STT3B: variants seen among roughly 807,000 people sequenced by gnomAD.
The protein encoded by STT3B is dolichyl-diphosphooligosaccharide--protein glycosyltransferase subunit STT3B.
Under a neutral mutation model 96.8 loss-of-function variants are expected in STT3B, and 29 were observed. The ratio of observed to expected loss-of-function variants is 0.30; its 90% confidence interval spans 0.22 to 0.41. The LOEUF is 0.41. Ranked by LOEUF, STT3B falls within the 10% of genes least tolerant of loss-of-function variation. The pLI is 1.00. For missense variants in STT3B, 640 were observed against 1,022.3 expected (o/e 0.63, Z 5.10); for synonymous variants, 367 against 360.0 (o/e 1.02, Z -0.22).
At chr3:31,597,882 C>T (rs1310516284) in intron 4 of STT3B, among the ~76,000 whole-genome samples, 3 of 149,242 alleles carry the variant, frequency 2.0e-5, no homozygotes, top group Non-Finnish European at 3.0e-5. Flanking sequence ...GTTGCCTAGG[C>T]TGGAGTGCAG....
intron 5 of STT3B, among the ~76,000 whole-genome samples, chr3:31,602,660 A>ATTT (rs11316900): frequency 9.0e-4 from 112 of 125,092 alleles, no homozygotes; most frequent in Middle Eastern, 3.8e-3. Flanking sequence ...GGTAGCTGGG[A>ATTT]TTTTTTTTTT....
At position 31,579,875 on chromosome 3, in the gene STT3B, G is replaced by T; in HGVS notation, c.490G>T (p.Val164Phe). ...GATTTTAAATACATTGAACATAACT[G>T]TTCACATAAGAGACGTATGTGTGTT... ...HWILNTLNIT[V>F]HIRDVCVFLA... Residue 164 changes from valine to phenylalanine, a missense_variant, in exon 3 of 16, where the codon GTT becomes TTT. Physicochemically the swap from Val to Phe is conservative, Grantham distance 50. Transcript: ENST00000295770. The T allele has an allele frequency of 6.2e-7, 1 of 1,613,686 alleles. No individual in the cohort carries two copies. Among genetic ancestry groups the T allele is most frequent in the African/African-American group, 1.3e-5 (1 of 75,012 alleles).
At chr3:31,599,814 A>G (rs1261441422) in intron 4 of STT3B, among the ~76,000 whole-genome samples, 1 of 152,146 alleles carries the variant, frequency 6.6e-6, no homozygotes, top group Non-Finnish European at 1.5e-5. Context: ...TTAAAATGGG[A>G]TCTTGCTTTG....
At chr3:31,564,262 A>G (rs952248466) in intron 1 of STT3B, among the ~76,000 whole-genome samples, 1 of 152,216 alleles carries the variant, frequency 6.6e-6, no homozygotes, top group Non-Finnish European at 1.5e-5. Context: ...ATGCTTTAAA[A>G]TTGGGTCATA....
chr3:31,583,204 G>A lies in STT3B; in HGVS notation c.711+3108G>A, dbSNP rs191141346. Among the ~76,000 whole-genome samples the A allele has an allele frequency of 8.6e-5, 13 of 152,042 alleles. No homozygotes were observed. The East Asian group carries it at 2.3e-3, about 27-fold the overall frequency. On this transcript the variant is annotated intron_variant, in intron 3 of 15. Transcript: ENST00000295770. Reference sequence around the variant, plus strand: ...AGTGTTTTCTTCCTATATTTTGATGGTCTGTTATCAGGTACATAAATGTTT... The same window carrying A: ...AGTGTTTTCTTCCTATATTTTGATGATCTGTTATCAGGTACATAAATGTTT...
chr3:31,568,358 T>G (rs1342218504), intron 1 of STT3B, among the ~76,000 whole-genome samples: 1 of 152,216 alleles, frequency 6.6e-6, no homozygotes, highest in Non-Finnish European at 1.5e-5. Context: ...ACTGATTTTC[T>G]TTCTTTGGAT....
chr3:31,559,599 C>T (rs1174634960), intron 1 of STT3B, among the ~76,000 whole-genome samples: 2 of 151,776 alleles, frequency 1.3e-5, no homozygotes, highest in Admixed American at 6.6e-5. Flanking sequence ...TTCGTTAAGA[C>T]TTGTTTTGTG....
intron 15 of STT3B, among the ~76,000 whole-genome samples, chr3:31,633,358 G>C (rs1251828822): frequency 1.3e-5 from 2 of 152,120 alleles, no homozygotes; most frequent in Admixed American, 6.5e-5. Context: ...TTTTTCCAGA[G>C]GCCTTCTGGC....
rs559200352 is a variant in STT3B, at chr3:31,544,240, T to G, written c.314+10928T>G. Among the ~76,000 whole-genome samples, 5 of 152,336 alleles carry G rather than the reference T, an allele frequency of 3.3e-5. No individual in the cohort carries two copies. In the East Asian group the frequency reaches 9.7e-4, roughly 29 times the overall value. On this transcript the variant is annotated intron_variant, in intron 1 of 15. Coordinates refer to ENST00000295770, the MANE Select transcript of STT3B (RefSeq NM_178862.3). ...CAACACTTTAGGAAACCATCACAGC[T>G]CTGACTGATCTCATTTAAACTTTCC... is the stretch of plus-strand genomic sequence containing the variant.
At chr3:31,628,623 G>GTCT (rs1267499162) in intron 13 of STT3B, among the ~76,000 whole-genome samples, 1 of 152,060 alleles carries the variant, frequency 6.6e-6, no homozygotes, top group East Asian at 1.9e-4. Flanking sequence ...TAATTTATAA[G>GTCT]TTAACCCCAT....
chr3:31,551,696 AT>A (rs1395095501), intron 1 of STT3B, among the ~76,000 whole-genome samples: 2 of 152,210 alleles, frequency 1.3e-5, no homozygotes, highest in Middle Eastern at 3.2e-3. Flanking sequence ...AGAAAGGGTT[AT>A]TTTCAAGAGA....
At position 31,533,310 on chromosome 3, in the gene STT3B, G is replaced by A; in HGVS notation, c.312G>A (p.Pro104=). The A allele has an allele frequency of 1.3e-6, 2 of 1,527,514 alleles. No individual in the cohort carries two copies. The highest frequency in any genetic ancestry group is 1.8e-6 in the Non-Finnish European group (2 of 1,137,118). 94.6% of individuals were successfully genotyped at this position (1,527,514 alleles called of 1,614,324 possible). A position where few individuals can be genotyped will look rare whatever the true frequency, so the allele number is the denominator to read the frequency against. ...RFESIIHEFD[P]WFNYRSTHHL... is the part of the protein sequence containing the mutation. Reference sequence around the variant, plus strand: ...AAAGCATCATCCACGAGTTCGACCCGTGGTAAGTGCCTCGCCGCCCCTCCC... The same window carrying A: ...AAAGCATCATCCACGAGTTCGACCCATGGTAAGTGCCTCGCCGCCCCTCCC... Residue 104 remains proline, a splice_region_variant and synonymous_variant, in exon 1 of 16, where the codon CCG becomes CCA. Coordinates refer to ENST00000295770, the MANE Select transcript of STT3B (RefSeq NM_178862.3).
At chr3:31,625,455 TCTAG>T (rs1310090017) in intron 12 of STT3B, among the ~76,000 whole-genome samples, 4 of 152,248 alleles carry the variant, frequency 2.6e-5, no homozygotes, top group African/African-American at 9.6e-5. Flanking sequence ...AAACTGTTCC[TCTAG>T]CTATTAAACA....
chr3:31,538,866 T>C (rs1697162901), intron 1 of STT3B, among the ~76,000 whole-genome samples: 1 of 152,146 alleles, frequency 6.6e-6, no homozygotes, highest in Non-Finnish European at 1.5e-5. Context: ...TGTTGTCCTC[T>C]TCTTACCTAC....
intron 3 of STT3B, among the ~76,000 whole-genome samples, chr3:31,596,137 A>G (rs777070694): frequency 3.9e-5 from 6 of 152,160 alleles, no homozygotes; most frequent in Admixed American, 3.3e-4. Context: ...CTTTCAGCCA[A>G]TTGGATTGAG....
At chr3:31,624,668 G>A (rs1051532966) in intron 11 of STT3B, among the ~76,000 whole-genome samples, 4 of 139,278 alleles carry the variant, frequency 2.9e-5, no homozygotes, top group Admixed American at 7.3e-5. Context: ...AATCAGAATC[G>A]GCTTTTTTTT....
At chr3:31,624,098 C>T (rs1699482785) in intron 11 of STT3B, among the ~76,000 whole-genome samples, 1 of 151,950 alleles carries the variant, frequency 6.6e-6, no homozygotes, top group Admixed American at 6.6e-5. Context: ...GGTTTCCATC[C>T]CCTCAACTAT....
intron 5 of STT3B, among the ~76,000 whole-genome samples, chr3:31,607,846 C>T (rs9822719): frequency 0.57 from 86,456 of 151,754 alleles, 27,579 homozygotes; most frequent in Non-Finnish European, 0.72. Context: ...GTGGTCCTCC[C>T]ACCTCCGCCT....
At chr3:31,612,889 C>T (rs1330136407) in intron 5 of STT3B, among the ~76,000 whole-genome samples, 1 of 152,052 alleles carries the variant, frequency 6.6e-6, no homozygotes, top group Non-Finnish European at 1.5e-5. Flanking sequence ...TACCCATATA[C>T]CTGCTAGTGA....
Sources: gnomAD v4.1 joint callset for allele counts (sites outside exome capture counted in the v4.1 genomes callset) on GRCh38, gnomAD v4.1.1 for gene constraint, MANE v1.5 for transcripts, NCBI Gene and HGNC (gene_info 2026-07-23, HGNC 2026-07-21) for gene names.